The following RBFOX3 variants were observed in gnomAD, a reference collection of about 807,000 sequenced individuals.
The protein encoded by RBFOX3 is RNA binding protein fox-1 homolog 3.
RBFOX3 carries 17 observed loss-of-function variants against 48.7 expected under a neutral mutation model. That is an observed-to-expected ratio of 0.35 (90% CI 0.24 to 0.52). The LOEUF is 0.52. Ranked by LOEUF, RBFOX3 falls within the 20% of genes least tolerant of loss-of-function variation. The pLI, the probability that RBFOX3 is intolerant of heterozygous loss-of-function variation, is 0.94. For missense variants in RBFOX3, 382 were observed against 497.5 expected, an observed-to-expected ratio of 0.77 and a Z score of 2.21; for synonymous variants, 212 against 209.5, an observed-to-expected ratio of 1.01 and a Z score of -0.10.
In RBFOX3 at chr17:79,479,409, G is replaced by A. The variant is rs1444183518; in HGVS notation, c.-175+3045C>T. On this transcript the variant is annotated intron_variant, in intron 2 of 14. Coordinates refer to ENST00000693108, the MANE Select transcript of RBFOX3 (RefSeq NM_001350451.2). The surrounding 1 kb of genome is among the most constrained non-coding windows in gnomAD (Gnocchi z 5.1). Reference sequence around the variant, plus strand: ...AATAAAAGACAGGCAGAGATTCAAAGCCACACGCAGGCCTCAGACTGCATT... The same window carrying A: ...AATAAAAGACAGGCAGAGATTCAAAACCACACGCAGGCCTCAGACTGCATT... Among the ~76,000 whole-genome samples the A allele has an allele frequency of 1.3e-5, 2 of 152,202 alleles. No individual in the cohort carries two copies. The highest frequency in any genetic ancestry group is 4.8e-5 in the African/African-American group (2 of 41,460).
the RBFOX3 span, among the ~76,000 whole-genome samples, chr17:79,655,377 T>C: frequency 1.3e-5 from 2 of 152,148 alleles, no homozygotes; most frequent in Non-Finnish European, 2.9e-5. Context: ...CCCAGAGCCA[T>C]CTATAGGACT....
At chr17:79,634,336 G>A in the RBFOX3 span, among the ~76,000 whole-genome samples, 7 of 152,214 alleles carry the variant, frequency 4.6e-5, no homozygotes, top group Non-Finnish European at 7.3e-5. Context: ...GGAAAAGAGT[G>A]AATCCCACTT....
chr17:79,436,147 C>A (rs1411244153), intron 2 of RBFOX3, among the ~76,000 whole-genome samples: 1 of 152,200 alleles, frequency 6.6e-6, no homozygotes, highest in East Asian at 1.9e-4. Flanking sequence ...TCAGCAAACA[C>A]CCCCGGGTAG....
rs369750473 is a variant in RBFOX3 at position 79,168,072 on chromosome 17, C to T, written c.-33-52324G>A. Among the ~76,000 whole-genome samples the T allele has an allele frequency of 9.2e-4, 140 of 152,272 alleles. No individual in the cohort carries two copies. In the East Asian group the frequency reaches 0.014, roughly 15 times the overall value. ...GGGAGGGTGGTTGGCACTTTATTTA[C>T]GGGGTCCTGAAACAGTGGGGCCGGC... On this transcript the variant is annotated intron_variant, in intron 4 of 14. Transcript: ENST00000693108.
the RBFOX3 span, among the ~76,000 whole-genome samples, chr17:79,651,035 C>T: frequency 6.6e-6 from 1 of 152,234 alleles, no homozygotes; most frequent in African/African-American, 2.4e-5. Flanking sequence ...CAGGGGATTC[C>T]AGGTGTGTGT....
In RBFOX3 at chr17:79,477,537, C is replaced by T. The variant is rs1173637926; in HGVS notation, c.-175+4917G>A. Among the ~76,000 whole-genome samples the T allele has an allele frequency of 7.3e-5, 11 of 149,930 alleles. No homozygotes were observed. The highest frequency in any genetic ancestry group is 2.0e-4 in the East Asian group (1 of 4,902). On this transcript the variant is annotated intron_variant, in intron 2 of 14. Transcript: ENST00000693108. The surrounding 1 kb of genome is among the most constrained non-coding windows in gnomAD (Gnocchi z 4.8). ...CCCCATCGCACTCCAGCCTGGGCGA[C>T]AGAGCGAAACTCCGTCACCGGAAAA...
chr17:79,622,996 C>T, the RBFOX3 span, among the ~76,000 whole-genome samples: 4 of 152,150 alleles, frequency 2.6e-5, no homozygotes, highest in African/African-American at 9.7e-5. Flanking sequence ...GGCCTCCCCA[C>T]TGCCCTGCCT....
At chr17:79,116,889 A>G (rs1303890967) in intron 4 of RBFOX3, among the ~76,000 whole-genome samples, 1 of 152,254 alleles carries the variant, frequency 6.6e-6, no homozygotes, top group Non-Finnish European at 1.5e-5. Context: ...CATCAGCAGC[A>G]CCTGGGAGCT....
intron 2 of RBFOX3, among the ~76,000 whole-genome samples, chr17:79,367,636 C>T (rs2057972900): frequency 1.3e-5 from 2 of 152,136 alleles, no homozygotes; most frequent in Admixed American, 1.3e-4. Flanking sequence ...GAAAATATTT[C>T]CCCAGCCACC....
chr17:79,532,626 G>A (rs2087976749), intron 1 of RBFOX3, among the ~76,000 whole-genome samples: 2 of 152,238 alleles, frequency 1.3e-5, no homozygotes, highest in East Asian at 1.9e-4. Context: ...ACCACACAGA[G>A]CTCGCTCTCC....
At chr17:79,173,979 T>G (rs1294404582) in intron 4 of RBFOX3, among the ~76,000 whole-genome samples, 1 of 151,742 alleles carries the variant, frequency 6.6e-6, no homozygotes, top group Non-Finnish European at 1.5e-5. Context: ...TCACTGGATC[T>G]TCTGTTTCCT....
Position 79,093,488 on chromosome 17 carries a change from G to A in RBFOX3, c.1077+963C>T, listed in dbSNP as rs984230948. Among the ~76,000 whole-genome samples the A allele has an allele frequency of 7.9e-5, 12 of 151,162 alleles. No homozygotes were observed. In the East Asian group the frequency reaches 1.6e-3, roughly 20 times the overall value. On this transcript the variant is annotated intron_variant, in intron 14 of 14. Transcript: ENST00000693108. ...CCGGGTGGGGCCGCACCAGACCCGC[G>A]CCTGTGGCTGCCCACAGCCACCACA...
intron 2 of RBFOX3, among the ~76,000 whole-genome samples, chr17:79,367,359 C>T (rs1487759582): frequency 6.7e-6 from 1 of 149,420 alleles, no homozygotes; most frequent in Non-Finnish European, 1.5e-5. Flanking sequence ...CCTCCTCCTA[C>T]TCCTCCTCCA....
chr17:79,131,278 C>T (rs1045618793), intron 4 of RBFOX3, among the ~76,000 whole-genome samples: 39 of 151,840 alleles, frequency 2.6e-4, no homozygotes, highest in African/African-American at 9.5e-4. Flanking sequence ...CTCCATGTGC[C>T]CTCCGTGTGT....
At chr17:79,431,088 C>T (rs1423332368) in intron 2 of RBFOX3, among the ~76,000 whole-genome samples, 2 of 152,180 alleles carry the variant, frequency 1.3e-5, no homozygotes, top group East Asian at 1.9e-4. Context: ...AGTCTAAAAA[C>T]ATGAGGTCAA....
chr17:79,226,382 G>A (rs1327177646), intron 4 of RBFOX3, among the ~76,000 whole-genome samples: 2 of 152,214 alleles, frequency 1.3e-5, no homozygotes, highest in Admixed American at 6.5e-5. Context: ...TGGGCCAGGT[G>A]TCTAAAGATG....
chr17:79,368,489 G>A lies in RBFOX3; in HGVS notation c.-174-60665C>T, dbSNP rs567500568. On this transcript the variant is annotated intron_variant, in intron 2 of 14. Transcript: ENST00000693108. ...CAGATGGACAAAAATGCCACACTTG[G>A]GAGTCAGTCGTGGGTTCCACCGGTT... Among the ~76,000 whole-genome samples, 10 of 152,346 alleles carry A rather than the reference G, an allele frequency of 6.6e-5. No homozygotes were observed. The East Asian group carries it at 1.9e-3, about 29-fold the overall frequency.
chr17:79,578,464 G>GT (rs1755532713), intron 1 of RBFOX3, among the ~76,000 whole-genome samples: 1 of 152,252 alleles, frequency 6.6e-6, no homozygotes, highest in Non-Finnish European at 1.5e-5. Context: ...GGAGGTGGCT[G>GT]TGGGTGTATG....
chr17:79,232,558 T>A (rs144290154), intron 4 of RBFOX3, among the ~76,000 whole-genome samples: 102 of 152,326 alleles, frequency 6.7e-4, no homozygotes, highest in Middle Eastern at 3.4e-3. Context: ...TAATAAGTAA[T>A]AATGAAATCA....
Sources: allele counts gnomAD v4.1 joint callset (sites outside exome capture counted in the v4.1 genomes callset), GRCh38; gene constraint gnomAD v4.1.1; non-coding constraint Gnocchi (gnomAD v3.1); transcripts MANE v1.5; gene names NCBI Gene and HGNC (gene_info 2026-07-23, HGNC 2026-07-21).